SWT1: variants seen among roughly 807,000 people sequenced by gnomAD.
SWT1 encodes the protein SWT1 RNA endoribonuclease homolog.
SWT1 carries 33 observed loss-of-function variants against 107.3 expected under a neutral mutation model. The observed-to-expected ratio is 0.31, with a 90% CI of 0.23 to 0.41. SWT1 has a LOEUF of 0.41. SWT1 is among the 10% of genes least tolerant of loss of function. The pLI is 1.00. For synonymous variants in SWT1, 345 were observed against 348.3 expected (o/e 0.99, Z 0.11); for missense variants, 898 against 1,028.9 (o/e 0.87, Z 1.74).
intron 16 of SWT1, among the ~76,000 whole-genome samples, chr1:185,240,690 T>C (rs1295698754): frequency 6.6e-6 from 1 of 152,150 alleles, no homozygotes; most frequent in Admixed American, 6.6e-5. Context: ...TATTGAGTTG[T>C]TTAATCTTCT....
intron 13 of SWT1, among the ~76,000 whole-genome samples, chr1:185,207,708 C>G (rs1658448651): frequency 6.6e-6 from 1 of 151,968 alleles, no homozygotes; most frequent in Non-Finnish European, 1.5e-5. Context: ...TCAAGGCCAG[C>G]CTGGGCAACA....
In SWT1 at chr1:185,168,372, T is replaced by C; in HGVS notation, c.198T>C (p.Asn66=). ...ATCATACAGATGTTCTGTACTATAA[T>C]ATAAAAAGAAGACAAGGACTGAAAA... ...KSDHTDVLYY[N]IKRRQGLKRL... The change falls in exon 4 of 19, where the codon AAT becomes AAC. Residue 66 remains asparagine (N), a synonymous_variant. Coordinates refer to ENST00000367500, the MANE Select transcript of SWT1 (RefSeq NM_017673.7). 7.2e-7 allele frequency: 1 copy of C among 1,389,538 alleles called. No individual in the cohort carries two copies. Among genetic ancestry groups the C allele is most frequent in the Non-Finnish European group, 9.7e-7 (1 of 1,035,912 alleles). The allele number at this position is 1,389,538 out of a possible 1,614,324, so 86.1% of individuals were successfully genotyped here.
chr1:185,251,797 TA>T (rs199766027), intron 16 of SWT1, among the ~76,000 whole-genome samples: 2,189 of 150,840 alleles, frequency 0.015, 36 homozygotes, highest in African/African-American at 0.047. Flanking sequence ...TATATATATA[TA>T]TTTTTTTTAT....
At chr1:185,245,825 G>A (rs1661567592) in intron 16 of SWT1, among the ~76,000 whole-genome samples, 2 of 151,960 alleles carry the variant, frequency 1.3e-5, no homozygotes, top group Admixed American at 1.3e-4. Context: ...CTGGAGCACA[G>A]TGGTGTGATC....
At position 185,206,262 on chromosome 1, in the gene SWT1, A is replaced by G. The variant is rs577701459; in HGVS notation, c.1834-363A>G. Among the ~76,000 whole-genome samples, 9 of 152,190 alleles carry G rather than the reference A, an allele frequency of 5.9e-5. No individual in the cohort carries two copies. The South Asian group carries it at 1.9e-3, about 32-fold the overall frequency. ...ATGAGCCACCGAACATCTTTTTTCTATACTGATTTTCACCCAGTTACATGA... is the reference window on the plus strand; with the variant it reads ...ATGAGCCACCGAACATCTTTTTTCTGTACTGATTTTCACCCAGTTACATGA... On this transcript the variant is annotated intron_variant, in intron 12 of 18. Coordinates refer to ENST00000367500, the MANE Select transcript of SWT1 (RefSeq NM_017673.7).
intron 18 of SWT1, among the ~76,000 whole-genome samples, chr1:185,279,221 C>G (rs1266536525): frequency 6.6e-6 from 1 of 152,126 alleles, no homozygotes; most frequent in African/African-American, 2.4e-5. Flanking sequence ...CATCTTCCAA[C>G]CTTAGCCGTA....
chr1:185,207,729 C>G (rs1285045615), intron 13 of SWT1, among the ~76,000 whole-genome samples: 5 of 151,878 alleles, frequency 3.3e-5, no homozygotes, highest in African/African-American at 1.2e-4. Context: ...TGGTAAAACT[C>G]CCTTTCTAAA....
At chr1:185,205,534 A>G (rs1455085439) in intron 12 of SWT1, among the ~76,000 whole-genome samples, 4 of 152,024 alleles carry the variant, frequency 2.6e-5, no homozygotes, top group African/African-American at 9.7e-5. Context: ...ACGCCCAGCT[A>G]ATTTTTGTAT....
intron 10 of SWT1, among the ~76,000 whole-genome samples, chr1:185,200,426 G>A (rs750051378): frequency 6.6e-5 from 10 of 152,116 alleles, no homozygotes; most frequent in Non-Finnish European, 1.0e-4. Flanking sequence ...TTCAGATAGG[G>A]TTTCTGTGTG....
chr1:185,208,708 T>C (rs1198498408), intron 13 of SWT1, among the ~76,000 whole-genome samples: 1 of 151,942 alleles, frequency 6.6e-6, no homozygotes, highest in East Asian at 1.9e-4. Flanking sequence ...GTCATTTCCT[T>C]ATGTCTCATC....
chr1:185,283,680 A>G (rs1269889561), intron 18 of SWT1, among the ~76,000 whole-genome samples: 4 of 152,188 alleles, frequency 2.6e-5, no homozygotes, highest in Admixed American at 2.0e-4. Flanking sequence ...TCATCACAAC[A>G]CACTTCTGAC....
At chr1:185,243,302 G>T (rs767755083) in intron 16 of SWT1, among the ~76,000 whole-genome samples, 25 of 152,084 alleles carry the variant, frequency 1.6e-4, no homozygotes, top group Non-Finnish European at 2.6e-4. Context: ...TAGGGACAGG[G>T]TTTCTTCATG....
At chr1:185,192,670 CAG>C (rs1558028635) in intron 10 of SWT1, among the ~76,000 whole-genome samples, 1 of 143,588 alleles carries the variant, frequency 7.0e-6, no homozygotes, top group Non-Finnish European at 1.5e-5. Flanking sequence ...TTTTTTGAGA[CAG>C]AGTCTCACTC....
intron 16 of SWT1, among the ~76,000 whole-genome samples, chr1:185,259,520 A>T (rs1399565035): frequency 6.6e-6 from 1 of 152,174 alleles, no homozygotes; most frequent in Non-Finnish European, 1.5e-5. Flanking sequence ...TGAGGCTGAT[A>T]CATCAGAATG....
chr1:185,260,436 A>T (rs1249737299), intron 16 of SWT1, among the ~76,000 whole-genome samples: 1 of 152,186 alleles, frequency 6.6e-6, no homozygotes, highest in South Asian at 2.1e-4. Flanking sequence ...TCATAAGACT[A>T]GCATCACAAA....
intron 16 of SWT1, among the ~76,000 whole-genome samples, chr1:185,264,845 C>T (rs1427973807): frequency 6.6e-6 from 1 of 151,962 alleles, no homozygotes; most frequent in African/African-American, 2.4e-5. Context: ...TGTTTTAATC[C>T]TTCTGCAAAA....
rs951810706 is a variant in SWT1, at chr1:185,271,489, T to G, written c.2508+100T>G. 8.0e-5 allele frequency: 51 copies of G among 634,512 alleles called. No individual in the cohort carries two copies. The African/African-American group carries it at 9.4e-4, about 12-fold the overall frequency. The allele number at this position is 634,512 out of a possible 1,614,324, so 39.3% of individuals were successfully genotyped here. ...GTTCTCAAACATAGTGGAATGCTAT[T>G]TAATTGATATTTGCTTTAAATTATT... On this transcript the variant is annotated intron_variant, in intron 17 of 18. Coordinates refer to ENST00000367500, the MANE Select transcript of SWT1 (RefSeq NM_017673.7).
chr1:185,228,064 C>CTGGGT (rs1558056714), intron 15 of SWT1, among the ~76,000 whole-genome samples: 1 of 151,332 alleles, frequency 6.6e-6, no homozygotes, highest in African/African-American at 2.4e-5. Context: ...GCACTCCAGC[C>CTGGGT]TGGGTGACAG....
chr1:185,253,874 C>T (rs1331120390), intron 16 of SWT1, among the ~76,000 whole-genome samples: 1 of 151,574 alleles, frequency 6.6e-6, no homozygotes, highest in East Asian at 1.9e-4. Context: ...AAAGGGAATG[C>T]TTCCAGTTTT....
Sources: gnomAD v4.1 joint callset for allele counts (sites outside exome capture counted in the v4.1 genomes callset) on GRCh38, gnomAD v4.1.1 for gene constraint, MANE v1.5 for transcripts, NCBI Gene and HGNC (gene_info 2026-07-23, HGNC 2026-07-21) for gene names.